Variants in PCDH19 observed in about 807,000 individuals in gnomAD.
PCDH19 encodes the protein protocadherin 19.
A neutral mutation model predicts 46.2 loss-of-function variants in PCDH19; 6 were observed. That is an observed-to-expected ratio of 0.13 (90% CI 0.07 to 0.26). The LOEUF (loss-of-function observed/expected upper bound fraction) is 0.26, where lower values mean the gene tolerates loss of function less well. Ranked by LOEUF, PCDH19 falls within the 10% of genes least tolerant of loss-of-function variation. The pLI is 1.00. For synonymous variants in PCDH19, 481 were observed against 415.7 expected, an observed-to-expected ratio of 1.16 and a Z score of -1.91; for missense variants, 740 against 972.3, an observed-to-expected ratio of 0.76 and a Z score of 3.18.
At chrX:100,359,307 A>G (rs1926807015) in intron 3 of PCDH19, among the ~76,000 whole-genome samples, 1 of 111,504 alleles carries the variant, frequency 9.0e-6, no homozygotes, top group Non-Finnish European at 1.9e-5. Flanking sequence ...GAGTCAGGGG[A>G]CTATAGTCCA....
At position 100,364,094 on chromosome X, in the gene PCDH19, G is replaced by A. The variant is rs183961414; in HGVS notation, c.2617-13390C>T. On this transcript the variant is annotated intron_variant, in intron 3 of 5. Transcript: ENST00000373034. ...TTTCTTTACGGCAGGGTTGGGGGAGGGGAGTGAGGGAACCTCATGCCATGG... is the reference window on the plus strand; with the variant it reads ...TTTCTTTACGGCAGGGTTGGGGGAGAGGAGTGAGGGAACCTCATGCCATGG... Among the ~76,000 whole-genome samples, 131 of 111,024 alleles carry A rather than the reference G, an allele frequency of 1.2e-3. 2 individuals are homozygous for A. In the East Asian group the frequency reaches 0.03, roughly 26 times the overall value.
intron 5 of PCDH19, among the ~76,000 whole-genome samples, chrX:100,322,804 T>G (rs1446358410): frequency 1.1e-5 from 1 of 93,801 alleles, no homozygotes; most frequent in East Asian, 3.3e-4. Context: ...GTAGAGGTGT[T>G]TTGCCTCCTT....
At chrX:100,340,212 C>T (rs1392631593) in intron 5 of PCDH19, among the ~76,000 whole-genome samples, 1 of 111,762 alleles carries the variant, frequency 8.9e-6, no homozygotes, top group Non-Finnish European at 1.9e-5. Context: ...TAGATATATA[C>T]ACACACACAT....
chrX:100,408,703 C>G lies in PCDH19; in HGVS notation c.-106G>C. 4.1e-6 allele frequency: 3 copies of G among 728,185 alleles called. No individual in the cohort carries two copies. The highest frequency in any genetic ancestry group is 6.0e-6 in the Non-Finnish European group (3 of 503,159). The allele number at this position is 728,185 out of a possible 1,213,427, so 60.0% of individuals were successfully genotyped here. On this transcript the variant is annotated 5_prime_UTR_variant, in exon 1 of 6. Coordinates refer to ENST00000373034, the MANE Select transcript of PCDH19 (RefSeq NM_001184880.2). ...CTCGGGCCGCCTGTTGCGCGCGCCC[C>G]GTGGCCCCGGAGGCCGCGGGAGAAG...
At chrX:100,393,892 G>A (rs966155394) in intron 3 of PCDH19, among the ~76,000 whole-genome samples, 6 of 112,370 alleles carry the variant, frequency 5.3e-5, no homozygotes, top group African/African-American at 1.3e-4. Context: ...GCAGCCAGGC[G>A]TAGTGGCTCA....
chrX:100,300,266 T>A (rs1255430841), intron 5 of PCDH19, among the ~76,000 whole-genome samples: 1 of 111,553 alleles, frequency 9.0e-6, no homozygotes, highest in African/African-American at 3.3e-5. Flanking sequence ...AGACCAGATG[T>A]AAAAAAATAA....
chrX:100,382,227 C>T (rs764564139), intron 3 of PCDH19, among the ~76,000 whole-genome samples: 1 of 111,277 alleles, frequency 9.0e-6, no homozygotes, highest in South Asian at 3.8e-4. Flanking sequence ...TGTTCTCCCC[C>T]TCCCCAAGCC....
intron 3 of PCDH19, among the ~76,000 whole-genome samples, chrX:100,400,266 G>A (rs1928138883): frequency 8.9e-6 from 1 of 112,058 alleles, no homozygotes; most frequent in South Asian, 3.7e-4. Context: ...AAGTGCCTAG[G>A]GAGACACAAT....
intron 5 of PCDH19, among the ~76,000 whole-genome samples, chrX:100,312,078 G>A (rs1447360088): frequency 9.3e-6 from 1 of 107,797 alleles, no homozygotes. Flanking sequence ...AGTTTTCCAC[G>A]TTAGAAATCT....
chrX:100,364,203 G>GA (rs1927007953), intron 3 of PCDH19, among the ~76,000 whole-genome samples: 1 of 110,027 alleles, frequency 9.1e-6, no homozygotes, highest in Non-Finnish European at 1.9e-5. Context: ...ATTTGGATAG[G>GA]AAAACAGGGT....
At chrX:100,321,413 G>A (rs768479280) in intron 5 of PCDH19, among the ~76,000 whole-genome samples, 3 of 111,691 alleles carry the variant, frequency 2.7e-5, no homozygotes, top group South Asian at 3.8e-4. Context: ...CCTGTTCACC[G>A]CATCCATGCT....
intron 3 of PCDH19, among the ~76,000 whole-genome samples, chrX:100,359,363 T>C (rs750568481): frequency 1.2e-3 from 132 of 111,921 alleles, no homozygotes; most frequent in Admixed American, 1.9e-3. Context: ...CTGGAAATCA[T>C]TCTCCAGACC....
chrX:100,377,419 A>C (rs1927421573), intron 3 of PCDH19, among the ~76,000 whole-genome samples: 1 of 112,143 alleles, frequency 8.9e-6, no homozygotes, highest in African/African-American at 3.2e-5. Flanking sequence ...CTTCACGCAC[A>C]TAATTCTTCA....
intron 5 of PCDH19, among the ~76,000 whole-genome samples, chrX:100,307,109 C>G (rs1383472038): frequency 9.0e-6 from 1 of 111,594 alleles, no homozygotes; most frequent in East Asian, 2.8e-4. Context: ...AAGAAAGCTA[C>G]AGACCAATAT....
intron 3 of PCDH19, among the ~76,000 whole-genome samples, chrX:100,355,671 T>G (rs944490752): frequency 1.8e-5 from 2 of 111,640 alleles, no homozygotes; most frequent in African/African-American, 6.5e-5. Flanking sequence ...TTGATTTTCG[T>G]TGTTTGTTTC....
At chrX:100,322,526 GT>G in intron 5 of PCDH19, among the ~76,000 whole-genome samples, 1 of 109,600 alleles carries the variant, frequency 9.1e-6, no homozygotes, top group Non-Finnish European at 1.9e-5. Flanking sequence ...TTGTTTTTTT[GT>G]TTTTTGTTTT....
chrX:100,402,488 T>C lies in PCDH19; in HGVS notation c.2616+36A>G, dbSNP rs1374964079. 3.5e-6 allele frequency: 4 copies of C among 1,130,731 alleles called. No homozygotes were observed. The East Asian group carries it at 1.2e-4, about 34-fold the overall frequency. 93.2% of individuals were successfully genotyped at this position (1,130,731 alleles called of 1,213,427 possible). The stretch of plus-strand genomic sequence containing the variant: ...CAGCGAGCAGCTAAAGAAGGAGACC[T>C]GGGAGAACCTCACAGAGCCACTTAG... On this transcript the variant is annotated intron_variant, in intron 3 of 5. Transcript: ENST00000373034.
chrX:100,399,812 G>A (rs992497851), intron 3 of PCDH19, among the ~76,000 whole-genome samples: 1 of 111,966 alleles, frequency 8.9e-6, no homozygotes, highest in Non-Finnish European at 1.9e-5. Flanking sequence ...CCAAAACTGT[G>A]TAATTTTGTT....
chrX:100,298,290 T>G (rs1329290577), intron 5 of PCDH19, among the ~76,000 whole-genome samples: 1 of 111,447 alleles, frequency 9.0e-6, no homozygotes, highest in Non-Finnish European at 1.9e-5. Context: ...GGCTGTACAC[T>G]TCATTATTTG....
Sources: allele counts gnomAD v4.1 joint callset (sites outside exome capture counted in the v4.1 genomes callset), GRCh38; gene constraint gnomAD v4.1.1; transcripts MANE v1.5; gene names NCBI Gene and HGNC (gene_info 2026-07-23, HGNC 2026-07-21).